Variants in DDO observed in about 807,000 individuals in gnomAD.
DDO encodes D-aspartate oxidase, DDO.
DDO carries 16 observed loss-of-function variants against 16.8 expected under a neutral mutation model. The ratio of observed to expected loss-of-function variants is 0.95; its 90% CI spans 0.65 to 1.45. The LOEUF is 1.45. Among genes scored for constraint, DDO ranks in the 40% most tolerant of loss-of-function variants. The pLI, the probability that DDO is intolerant of heterozygous loss-of-function variation, is 0.00. For missense variants in DDO, 429 were observed against 420.3 expected (o/e 1.02, Z -0.18); for synonymous variants, 180 against 167.2 (o/e 1.08, Z -0.59).
intron 4 of DDO, among the ~76,000 whole-genome samples, chr6:110,395,186 C>A (rs886872834): frequency 1.3e-5 from 2 of 152,142 alleles, no homozygotes; most frequent in African/African-American, 4.8e-5. Context: ...AAGCTAATTG[C>A]CTTCTTTAAT....
intron 4 of DDO, among the ~76,000 whole-genome samples, chr6:110,396,073 T>A (rs760242290): frequency 6.6e-6 from 1 of 152,150 alleles, no homozygotes; most frequent in Admixed American, 6.5e-5. Flanking sequence ...CTCACGTTGA[T>A]GAGCATGGAA....
intron 1 of DDO, 52 bp from the exon 2 acceptor site, chr6:110,413,518 C>T: frequency 6.3e-7 from 1 of 1,580,718 alleles, no homozygotes; most frequent in Non-Finnish European, 8.6e-7. Context: ...ATTTTCCCAT[C>T]CAGACAAAGT....
intron 4 of DDO, among the ~76,000 whole-genome samples, chr6:110,401,786 G>A (rs918632248): frequency 2.0e-5 from 3 of 152,178 alleles, no homozygotes; most frequent in Non-Finnish European, 2.9e-5. Flanking sequence ...TACTTTCATA[G>A]GAACTCGTTT....
chr6:110,395,380 A>G (rs1773257263), intron 4 of DDO, among the ~76,000 whole-genome samples: 1 of 151,974 alleles, frequency 6.6e-6, no homozygotes, highest in African/African-American at 2.4e-5. Context: ...CCTTTGGACT[A>G]GAGCTACACC....
intron 4 of DDO, among the ~76,000 whole-genome samples, chr6:110,400,951 GCCCGT>G (rs1335332371): frequency 1.3e-5 from 2 of 152,220 alleles, no homozygotes; most frequent in Non-Finnish European, 2.9e-5. Flanking sequence ...TTCACTTCCA[GCCCGT>G]CTTCTGGGGA....
intron 3 of DDO, among the ~76,000 whole-genome samples, chr6:110,405,785 C>T (rs1773632241): frequency 6.6e-6 from 1 of 152,066 alleles, no homozygotes; most frequent in Non-Finnish European, 1.5e-5. Context: ...AGCCTGTAGT[C>T]CCAGCTATTG....
chr6:110,393,834 T>A (rs995240717), intron 4 of DDO, among the ~76,000 whole-genome samples: 1 of 152,232 alleles, frequency 6.6e-6, no homozygotes, highest in Non-Finnish European at 1.5e-5. Context: ...TCCACAACTA[T>A]GTTAGCACGA....
At chr6:110,404,750 A>G in intron 4 of DDO, 24 bp downstream of exon 4, 1 of 1,611,582 alleles carries the variant, frequency 6.2e-7, no homozygotes, top group African/African-American at 1.3e-5. Flanking sequence ...AGATAAGGAA[A>G]TATCAGGGAG....
At chr6:110,395,796 A>T (rs750178371) in intron 4 of DDO, among the ~76,000 whole-genome samples, 3 of 152,196 alleles carry the variant, frequency 2.0e-5, no homozygotes, top group Non-Finnish European at 4.4e-5. Flanking sequence ...TTTCCGCCCC[A>T]CTTCCTGGTT....
At chr6:110,390,182 G>A (rs1382437597), downstream of DDO, among the ~76,000 whole-genome samples, 1 of 152,196 alleles carries the variant, frequency 6.6e-6, no homozygotes, top group African/African-American at 2.4e-5. Context: ...TGGCGAGGAA[G>A]GAAGGGAAGG....
chr6:110,411,196 A>G (rs1356719354), intron 2 of DDO, among the ~76,000 whole-genome samples: 2 of 152,120 alleles, frequency 1.3e-5, no homozygotes, highest in Non-Finnish European at 1.5e-5. Flanking sequence ...GACATCACAG[A>G]TGTCCCCAAA....
intron 4 of DDO, among the ~76,000 whole-genome samples, chr6:110,402,621 T>A (rs1773519556): frequency 6.6e-6 from 1 of 152,236 alleles, no homozygotes; most frequent in Non-Finnish European, 1.5e-5. Flanking sequence ...ATCACGCCAC[T>A]GCACTTCAGC....
Position 110,400,020 on chromosome 6 carries a change from G to A in DDO, c.458+4754C>T, listed in dbSNP as rs987619328. On this transcript the variant is annotated intron_variant, in intron 4 of 4. Coordinates refer to ENST00000368924, the MANE Select transcript of DDO (RefSeq NM_001372108.2). The stretch of plus-strand genomic sequence containing the variant: ...GCACCGCCCCCTCCGCCGGTCTCCG[G>A]CCGATGGCGTTGCCGTCCTCGCAGC... 2.0e-5 allele frequency among the ~76,000 whole-genome samples: 3 copies of A among 152,198 alleles called. No homozygotes were observed. The South Asian group carries it at 6.2e-4, about 31-fold the overall frequency.
At chr6:110,403,073 C>T (rs559631455) in intron 4 of DDO, among the ~76,000 whole-genome samples, 2 of 152,272 alleles carry the variant, frequency 1.3e-5, no homozygotes, top group Admixed American at 6.5e-5. Flanking sequence ...TTAATGACAC[C>T]TCACCTTTTA....
intron 2 of DDO, among the ~76,000 whole-genome samples, chr6:110,409,558 A>G (rs937077366): frequency 6.6e-6 from 1 of 152,248 alleles, no homozygotes; most frequent in African/African-American, 2.4e-5. Flanking sequence ...TCATGTCAGT[A>G]GCGGGATTTT....
intron 4 of DDO, among the ~76,000 whole-genome samples, chr6:110,403,517 A>G (rs11153233): frequency 0.55 from 82,948 of 152,050 alleles, 23,217 homozygotes; most frequent in East Asian, 0.86. Flanking sequence ...CAAACTTGGC[A>G]TATGAACAGT....
chr6:110,415,320 G>A (rs954643440), intron 1 of DDO, 147 bp downstream of exon 1: 3 of 1,057,758 alleles, frequency 2.8e-6, no homozygotes, highest in African/African-American at 3.2e-5. Flanking sequence ...ATAACCAGCT[G>A]CCAGGGAGGA....
At chr6:110,414,533 G>T (rs1472492757) in intron 1 of DDO, among the ~76,000 whole-genome samples, 2 of 152,246 alleles carry the variant, frequency 1.3e-5, no homozygotes. Flanking sequence ...CCTGAGGCTG[G>T]CACCCTCTGT....
chr6:110,410,907 A>C (rs1773833641), intron 2 of DDO, among the ~76,000 whole-genome samples: 1 of 152,126 alleles, frequency 6.6e-6, no homozygotes, highest in African/African-American at 2.4e-5. Context: ...CTGCAATGCC[A>C]AGGTCGCTGC....
Sources: gnomAD v4.1 joint callset for allele counts (sites outside exome capture counted in the v4.1 genomes callset) on GRCh38, gnomAD v4.1.1 for gene constraint, MANE v1.5 for transcripts, NCBI Gene and HGNC (gene_info 2026-07-23, HGNC 2026-07-21) for gene names.